The following RPRD1B variants were observed in gnomAD, a reference collection of about 807,000 sequenced individuals.
RPRD1B encodes the protein regulation of nuclear pre-mRNA domain-containing protein 1B.
In RPRD1B, 11 loss-of-function variants were observed where a neutral mutation model predicts 41.5. The observed-to-expected ratio is 0.27, with a 90% CI of 0.17 to 0.44. The LOEUF is 0.44. Among genes scored for constraint, RPRD1B ranks in the 20% least tolerant of loss-of-function variants. RPRD1B has a pLI of 1.00. For missense variants in RPRD1B, 248 were observed against 389.9 expected, an observed-to-expected ratio of 0.64 and a Z score of 3.06; for synonymous variants, 158 against 155.6, an observed-to-expected ratio of 1.02 and a Z score of -0.12.
intron 3 of RPRD1B, among the ~76,000 whole-genome samples, chr20:38,056,886 T>C (rs577400103): frequency 1.3e-5 from 2 of 152,232 alleles, no homozygotes; most frequent in East Asian, 3.8e-4. Context: ...ATTTTGGAAT[T>C]AACACATCTA....
At chr20:38,039,969 A>G (rs2074048682) in intron 1 of RPRD1B, among the ~76,000 whole-genome samples, 1 of 151,790 alleles carries the variant, frequency 6.6e-6, no homozygotes, top group African/African-American at 2.4e-5. Flanking sequence ...CCTGACCTCA[A>G]ATGATCCACC....
intron 6 of RPRD1B, among the ~76,000 whole-genome samples, chr20:38,086,693 C>G (rs1028794623): frequency 1.3e-5 from 2 of 152,218 alleles, no homozygotes; most frequent in Non-Finnish European, 2.9e-5. Flanking sequence ...CTTTCTTTCT[C>G]TAGTGATTCC....
intron 6 of RPRD1B, among the ~76,000 whole-genome samples, chr20:38,080,075 C>T (rs2122762671): frequency 6.6e-6 from 1 of 152,184 alleles, no homozygotes; most frequent in South Asian, 2.1e-4. Context: ...TTTTTTGTTA[C>T]TTGCTTATTG....
chr20:38,062,325 C>G, intron 5 of RPRD1B, among the ~76,000 whole-genome samples: 1 of 152,214 alleles, frequency 6.6e-6, no homozygotes, highest in East Asian at 1.9e-4. Context: ...CCATTCTCAC[C>G]CAATTTCATG....
At chr20:38,060,402 A>G (rs1390323361) in intron 5 of RPRD1B, among the ~76,000 whole-genome samples, 1 of 152,210 alleles carries the variant, frequency 6.6e-6, no homozygotes, top group Admixed American at 6.5e-5. Context: ...CACTGATGAA[A>G]TATTTCCCTC....
intron 2 of RPRD1B, among the ~76,000 whole-genome samples, chr20:38,043,455 G>A (rs2074087971): frequency 6.6e-6 from 1 of 152,134 alleles, no homozygotes; most frequent in South Asian, 2.1e-4. Context: ...GTTTTAACCA[G>A]GGGAATGATA....
At chr20:38,037,166 T>C (rs563925931) in intron 1 of RPRD1B, among the ~76,000 whole-genome samples, 1 of 152,330 alleles carries the variant, frequency 6.6e-6, no homozygotes, top group East Asian at 1.9e-4. Context: ...ACTTTTTTTC[T>C]TGCTTAAATA....
rs1858683701 is a variant in RPRD1B at position 38,090,564 on chromosome 20, TA to T, written c.*693del. The stretch of plus-strand genomic sequence containing the variant: ...AATAACAGGGATCACAAGCATGAAT[TA>T]AAAGGAATTTATTTGCTTCAAGTTC... On this transcript the variant is annotated 3_prime_UTR_variant, in exon 7 of 7. Transcript: ENST00000373433. 1 of 985,840 alleles carries T rather than the reference TA, an allele frequency of 1.0e-6. No homozygotes were observed. The highest frequency in any genetic ancestry group is 1.2e-6 in the Non-Finnish European group (1 of 829,952). 61.1% of individuals were successfully genotyped at this position (985,840 alleles called of 1,614,324 possible). A position where few individuals can be genotyped will look rare whatever the true frequency, so the allele number is the denominator to read the frequency against.
intron 6 of RPRD1B, among the ~76,000 whole-genome samples, chr20:38,075,435 A>G (rs944766904): frequency 3.3e-5 from 5 of 152,252 alleles, no homozygotes; most frequent in African/African-American, 1.2e-4. Context: ...ACATACTTCT[A>G]CTATAACATT....
intron 6 of RPRD1B, among the ~76,000 whole-genome samples, chr20:38,077,964 C>G (rs1568661085): frequency 6.6e-6 from 1 of 152,028 alleles, no homozygotes; most frequent in Non-Finnish European, 1.5e-5. Context: ...TCACTTGAGT[C>G]CAAGAGTTTG....
intron 6 of RPRD1B, among the ~76,000 whole-genome samples, chr20:38,084,348 C>T (rs2074541775): frequency 6.6e-6 from 1 of 152,156 alleles, no homozygotes; most frequent in African/African-American, 2.4e-5. Flanking sequence ...TTTTGATATA[C>T]CATATGTCCT....
intron 5 of RPRD1B, among the ~76,000 whole-genome samples, chr20:38,064,957 G>T (rs2074338898): frequency 6.6e-6 from 1 of 150,902 alleles, no homozygotes; most frequent in Admixed American, 6.6e-5. Flanking sequence ...CTGCACTCCA[G>T]CCTGGGTCAC....
chr20:38,040,689 C>T (rs753813889), intron 2 of RPRD1B, 125 bp downstream of exon 2: 31 of 985,880 alleles, frequency 3.1e-5, no homozygotes, highest in South Asian at 7.8e-5. Flanking sequence ...TTGTGGAGGC[C>T]GAATTGTGGT....
chr20:38,080,888 C>T (rs116456994), intron 6 of RPRD1B, among the ~76,000 whole-genome samples: 21,160 of 152,100 alleles, frequency 0.14, 1,558 homozygotes, highest in South Asian at 0.28. Context: ...TGTTTTTGTA[C>T]CATTTCCATG....
chr20:38,033,824 G>C lies in RPRD1B; in HGVS notation c.-124G>C. 1.0e-6 allele frequency: 1 copy of C among 966,622 alleles called. No homozygotes were observed. The highest frequency in any genetic ancestry group is 1.5e-6 in the Non-Finnish European group (1 of 672,570). 59.9% of individuals were successfully genotyped at this position (966,622 alleles called of 1,614,324 possible). ...ATCCCCTCCCCCTTCTCGCACCCCT[G>C]GCAGTCTGTCAGTCGGTAAAAAGTC... On this transcript the variant is annotated 5_prime_UTR_variant, in exon 1 of 7. Transcript: ENST00000373433.
intron 1 of RPRD1B, among the ~76,000 whole-genome samples, chr20:38,036,165 G>A (rs1245708698): frequency 3.3e-5 from 5 of 152,132 alleles, no homozygotes; most frequent in Admixed American, 6.5e-5. Context: ...ATGAAGCTCC[G>A]TTATCCCTAA....
intron 6 of RPRD1B, among the ~76,000 whole-genome samples, chr20:38,075,367 C>T (rs2122754289): frequency 6.6e-6 from 1 of 152,320 alleles, no homozygotes. Flanking sequence ...ACTAATGGAG[C>T]TCTCTTCTGG....
Position 38,048,357 on chromosome 20 carries a change from T to C in RPRD1B, c.291T>C (p.Asp97=). 2 of 1,613,422 alleles carry C rather than the reference T, an allele frequency of 1.2e-6. No individual in the cohort carries two copies. Among genetic ancestry groups the C allele is most frequent in the Non-Finnish European group, 1.7e-6 (2 of 1,179,466 alleles). ...CATCTTTTCTGGGCAGAGAGGCAGA[T>C]GAAGGCTGTAAAAAACCTTTAGAAA... ...DAFSHVAREA[D]EGCKKPLERL... Residue 97 remains aspartate (D), a synonymous_variant, in exon 3 of 7, where the codon GAT becomes GAC. Transcript: ENST00000373433.
intron 2 of RPRD1B, among the ~76,000 whole-genome samples, chr20:38,043,157 G>A (rs2074084583): frequency 6.6e-6 from 1 of 152,234 alleles, no homozygotes; most frequent in African/African-American, 2.4e-5. Flanking sequence ...GTAAAATGGA[G>A]TGATGTTCTA....
Sources: allele counts gnomAD v4.1 joint callset (sites outside exome capture counted in the v4.1 genomes callset), GRCh38; gene constraint gnomAD v4.1.1; transcripts MANE v1.5; gene names NCBI Gene and HGNC (gene_info 2026-07-23, HGNC 2026-07-21).